TSPAN9: variants seen among roughly 807,000 people sequenced by gnomAD.
TSPAN9 encodes the protein tetraspanin-9.
TSPAN9 carries 16 observed loss-of-function variants against 31.0 expected under a neutral mutation model. The observed-to-expected ratio is 0.52, with a 90% CI of 0.35 to 0.78. The LOEUF is 0.78. Ranked by LOEUF, TSPAN9 falls within the 30% of genes least tolerant of loss-of-function variation. TSPAN9 has a pLI of 0.01. For synonymous variants in TSPAN9, 145 were observed against 121.6 expected (o/e 1.19, Z -1.27); for missense variants, 272 against 312.5 (o/e 0.87, Z 0.98).
At chr12:3,178,549 C>T (rs575612966) in intron 2 of TSPAN9, among the ~76,000 whole-genome samples, 22 of 152,196 alleles carry the variant, frequency 1.4e-4, no homozygotes, top group Non-Finnish European at 2.9e-4. Context: ...CCTTGGCCTC[C>T]CAAAGTGCTG....
At chr12:3,126,705 T>C (rs1033820979) in intron 2 of TSPAN9, among the ~76,000 whole-genome samples, 1 of 151,910 alleles carries the variant, frequency 6.6e-6, no homozygotes, top group East Asian at 1.9e-4. Flanking sequence ...GCCCAGGAAA[T>C]TGAGACTAGC....
At chr12:3,153,599 G>A (rs567858213) in intron 2 of TSPAN9, among the ~76,000 whole-genome samples, 38 of 152,188 alleles carry the variant, frequency 2.5e-4, no homozygotes, top group African/African-American at 8.9e-4. Context: ...CTATTTATCC[G>A]TTTTCCTACT....
intron 2 of TSPAN9, among the ~76,000 whole-genome samples, chr12:3,167,631 C>T (rs1383715331): frequency 6.6e-6 from 1 of 152,162 alleles, no homozygotes; most frequent in Non-Finnish European, 1.5e-5. Context: ...TCGTGATGAG[C>T]TGGATTTGGG....
intron 2 of TSPAN9, among the ~76,000 whole-genome samples, chr12:3,113,700 C>T (rs544461454): frequency 6.6e-6 from 1 of 152,308 alleles, no homozygotes; most frequent in East Asian, 1.9e-4. Context: ...GGGAGACCCT[C>T]AGGGGTGTGC....
intron 2 of TSPAN9, among the ~76,000 whole-genome samples, chr12:3,123,171 CAGG>C (rs907166935): frequency 2.0e-5 from 3 of 152,326 alleles, no homozygotes; most frequent in Admixed American, 2.0e-4. Context: ...CGACGAACAA[CAGG>C]AGATTTGTCC....
At chr12:3,231,180 G>A (rs781027730) in intron 3 of TSPAN9, among the ~76,000 whole-genome samples, 8 of 152,102 alleles carry the variant, frequency 5.3e-5, no homozygotes, top group South Asian at 2.1e-4. Flanking sequence ...TCTTATCGCC[G>A]CAGAAAGCAA....
At chr12:3,218,268 T>C (rs1454075031) in intron 3 of TSPAN9, among the ~76,000 whole-genome samples, 1 of 152,172 alleles carries the variant, frequency 6.6e-6, no homozygotes, top group Non-Finnish European at 1.5e-5. Flanking sequence ...AAAGGACAGA[T>C]GGGGAGTGAG....
At position 3,150,720 on chromosome 12, in the gene TSPAN9, G is replaced by A. The variant is rs546402354; in HGVS notation, c.-17-50457G>A. On this transcript the variant is annotated intron_variant, in intron 2 of 8. Transcript: ENST00000011898. ...GTTGCCTTAGCTAATTCCCACTTAC[G>A]AGCTGATTTCAGGGTGCTGAGTTCC... Among the ~76,000 whole-genome samples the A allele has an allele frequency of 3.9e-5, 6 of 152,092 alleles. No homozygotes were observed. The South Asian group carries it at 8.3e-4, about 21-fold the overall frequency.
At chr12:3,162,207 C>T (rs570503185) in intron 2 of TSPAN9, among the ~76,000 whole-genome samples, 6 of 152,272 alleles carry the variant, frequency 3.9e-5, no homozygotes, top group South Asian at 2.1e-4. Flanking sequence ...CTGCCTATGC[C>T]GACTCGCTTC....
intron 3 of TSPAN9, among the ~76,000 whole-genome samples, chr12:3,224,507 G>A (rs1157388783): frequency 6.6e-6 from 1 of 152,270 alleles, no homozygotes. Flanking sequence ...GCTGGGGGCA[G>A]AGGCGGAATC....
intron 2 of TSPAN9, among the ~76,000 whole-genome samples, chr12:3,163,503 G>C (rs75411695): frequency 0.026 from 3,910 of 152,228 alleles, 169 homozygotes; most frequent in African/African-American, 0.089. Context: ...ACCTAGGATG[G>C]TGTTTCATAG....
intron 2 of TSPAN9, among the ~76,000 whole-genome samples, chr12:3,148,465 C>T (rs1458543288): frequency 6.6e-6 from 1 of 152,188 alleles, no homozygotes; most frequent in Non-Finnish European, 1.5e-5. Context: ...TGCTGGGGTT[C>T]CTCCTTCAGC....
At chr12:3,090,548 A>G (rs565499412) in intron 2 of TSPAN9, among the ~76,000 whole-genome samples, 35 of 152,172 alleles carry the variant, frequency 2.3e-4, no homozygotes, top group African/African-American at 5.1e-4. Context: ...AGTCTACAAG[A>G]CCTCTTAATA....
chr12:3,155,449 C>T (rs773423735), intron 2 of TSPAN9, among the ~76,000 whole-genome samples: 38 of 152,222 alleles, frequency 2.5e-4, no homozygotes, highest in East Asian at 1.4e-3. Context: ...ACCATATCTT[C>T]CAGGCCTGGT....
intron 3 of TSPAN9, among the ~76,000 whole-genome samples, chr12:3,223,558 C>T (rs748780584): frequency 1.4e-4 from 21 of 152,072 alleles, no homozygotes; most frequent in Admixed American, 3.3e-4. Flanking sequence ...TGCACGTGTG[C>T]GTGTCTGTGC....
intron 3 of TSPAN9, among the ~76,000 whole-genome samples, chr12:3,257,959 A>G (rs1862380951): frequency 1.3e-5 from 2 of 152,164 alleles, no homozygotes; most frequent in Non-Finnish European, 2.9e-5. Context: ...GAGCAAAGCC[A>G]TGTTTATGGG....
chr12:3,212,937 C>T (rs1176052865), intron 3 of TSPAN9, among the ~76,000 whole-genome samples: 1 of 151,810 alleles, frequency 6.6e-6, no homozygotes, highest in East Asian at 1.9e-4. Flanking sequence ...GGATGCCTAT[C>T]CGGTGAAGGG....
At chr12:3,207,782 G>T (rs1008237406) in intron 3 of TSPAN9, among the ~76,000 whole-genome samples, 3 of 148,736 alleles carry the variant, frequency 2.0e-5, no homozygotes, top group Admixed American at 1.4e-4. Flanking sequence ...TGGCTGGTGG[G>T]GGGTGGGTGA....
At chr12:3,242,677 C>T (rs929416375) in intron 3 of TSPAN9, among the ~76,000 whole-genome samples, 5 of 152,334 alleles carry the variant, frequency 3.3e-5, no homozygotes, top group African/African-American at 4.8e-5. Context: ...GGTCACCGGG[C>T]GTGACTCAGG....
Sources: allele counts gnomAD v4.1 joint callset (sites outside exome capture counted in the v4.1 genomes callset), GRCh38; gene constraint gnomAD v4.1.1; transcripts MANE v1.5; gene names NCBI Gene and HGNC (gene_info 2026-07-23, HGNC 2026-07-21).